The following PRKCH variants were observed in gnomAD, a reference collection of about 807,000 sequenced individuals.
PRKCH encodes protein kinase C eta.
PRKCH carries 28 observed loss-of-function variants against 82.5 expected under a neutral mutation model. That is an observed-to-expected ratio of 0.34 (90% CI 0.25 to 0.47). The LOEUF (loss-of-function observed/expected upper bound fraction) is 0.47, where lower values mean the gene tolerates loss of function less well. Among genes scored for constraint, PRKCH ranks in the 20% least tolerant of loss-of-function variants. PRKCH has a pLI of 1.00. For missense variants in PRKCH, 705 were observed against 881.8 expected (o/e 0.80, Z 2.54); for synonymous variants, 322 against 327.4 (o/e 0.98, Z 0.18).
intron 12 of PRKCH, 138 bp from the exon 13 acceptor site, chr14:61,547,605 G>A: frequency 9.3e-7 from 1 of 1,070,068 alleles, no homozygotes; most frequent in Non-Finnish European, 1.3e-6. Flanking sequence ...TGCTGCCTGT[G>A]ATGGAAAACC....
At chr14:61,520,497 A>G (rs938601420) in intron 10 of PRKCH, among the ~76,000 whole-genome samples, 1 of 152,240 alleles carries the variant, frequency 6.6e-6, no homozygotes, top group Non-Finnish European at 1.5e-5. Flanking sequence ...TTTACAACCC[A>G]TAGAACCAAT....
intron 9 of PRKCH, among the ~76,000 whole-genome samples, chr14:61,465,929 T>G (rs1352865235): frequency 6.6e-6 from 1 of 152,246 alleles, no homozygotes; most frequent in Admixed American, 6.5e-5. Context: ...ATCCTCATTA[T>G]GTCAAATGGA....
intron 10 of PRKCH, among the ~76,000 whole-genome samples, chr14:61,505,284 G>T (rs187825407): frequency 1.3e-5 from 2 of 151,936 alleles, no homozygotes; most frequent in African/African-American, 2.4e-5. Context: ...ATTTGGTGTC[G>T]GGTGAGGGCC....
chr14:61,281,140 C>G, intron 1 of PRKCH: 1 of 1,352,940 alleles, frequency 7.4e-7, no homozygotes, highest in Non-Finnish European at 9.5e-7. Flanking sequence ...CGTGGCGCTC[C>G]AGGTCATGGC....
chr14:61,236,581 G>A (rs1158766075), intron 1 of PRKCH, among the ~76,000 whole-genome samples: 1 of 151,960 alleles, frequency 6.6e-6, no homozygotes, highest in Non-Finnish European at 1.5e-5. Flanking sequence ...GGTGGCGGGA[G>A]CCTGTAATCC....
chr14:61,485,087 T>C (rs1536015), intron 9 of PRKCH, among the ~76,000 whole-genome samples: 129,531 of 151,886 alleles, frequency 0.85, 57,526 homozygotes, highest in Non-Finnish European at 0.96. Context: ...TCTCTGCCCA[T>C]TTGTGAGAAC....
chr14:61,382,452 C>CAA (rs112736087), intron 1 of PRKCH, among the ~76,000 whole-genome samples: 13 of 150,208 alleles, frequency 8.7e-5, no homozygotes, highest in African/African-American at 2.7e-4. Context: ...CAAAAACAAA[C>CAA]AAAAAAAAAC....
At chr14:61,372,847 A>G (rs2046380565) in intron 1 of PRKCH, among the ~76,000 whole-genome samples, 1 of 152,078 alleles carries the variant, frequency 6.6e-6, no homozygotes, top group African/African-American at 2.4e-5. Flanking sequence ...GGTTTTAACA[A>G]ATGCTTAGTG....
intron 1 of PRKCH, among the ~76,000 whole-genome samples, chr14:61,259,920 A>AATCC (rs1482288205): frequency 1.3e-5 from 2 of 152,186 alleles, no homozygotes; most frequent in African/African-American, 4.8e-5. Context: ...AATCCCCAGA[A>AATCC]ATCCAATAAA....
At chr14:61,433,994 A>G (rs922533761) in intron 2 of PRKCH, among the ~76,000 whole-genome samples, 2 of 152,220 alleles carry the variant, frequency 1.3e-5, no homozygotes, top group East Asian at 3.8e-4. Context: ...CAATAAATCA[A>G]AAAGAGAGAT....
intron 1 of PRKCH, among the ~76,000 whole-genome samples, chr14:61,378,085 C>T (rs898999065): frequency 2.6e-5 from 4 of 152,178 alleles, no homozygotes; most frequent in African/African-American, 4.8e-5. Flanking sequence ...ACAGGTTGCT[C>T]CTGACTCAGA....
chr14:61,487,045 G>T (rs1404763682), intron 10 of PRKCH, among the ~76,000 whole-genome samples: 5 of 152,198 alleles, frequency 3.3e-5, no homozygotes, highest in Admixed American at 6.5e-5. Flanking sequence ...AGTCAAAATA[G>T]GAAGAGAACA....
At chr14:61,492,513 C>T (rs530307593) in intron 10 of PRKCH, among the ~76,000 whole-genome samples, 15 of 152,328 alleles carry the variant, frequency 9.8e-5, no homozygotes, top group African/African-American at 3.4e-4. Flanking sequence ...TTTCCATCTC[C>T]AGGAAAACAA....
intron 1 of PRKCH, among the ~76,000 whole-genome samples, chr14:61,196,891 C>G (rs1267871316): frequency 3.9e-5 from 6 of 152,286 alleles, no homozygotes; most frequent in Non-Finnish European, 7.4e-5. Flanking sequence ...AGTGCTATCA[C>G]TTCAAAAGAT....
At chr14:61,470,992 G>C (rs1237885308) in intron 9 of PRKCH, among the ~76,000 whole-genome samples, 1 of 152,074 alleles carries the variant, frequency 6.6e-6, no homozygotes, top group African/African-American at 2.4e-5. Flanking sequence ...GGCATGCGAA[G>C]TGGAAACTAA....
At chr14:61,455,936 C>T (rs147508381) in intron 7 of PRKCH, among the ~76,000 whole-genome samples, 88 of 152,324 alleles carry the variant, frequency 5.8e-4, no homozygotes, top group African/African-American at 1.8e-3. Context: ...CTAGAACTCT[C>T]ATCATGCTGG....
intron 10 of PRKCH, among the ~76,000 whole-genome samples, chr14:61,518,761 C>T (rs2042862351): frequency 6.6e-6 from 1 of 152,154 alleles, no homozygotes; most frequent in African/African-American, 2.4e-5. Context: ...AGACCAACAC[C>T]TAGTCTATGG....
chr14:61,480,019 G>A (rs919661815), intron 9 of PRKCH, among the ~76,000 whole-genome samples: 5 of 152,218 alleles, frequency 3.3e-5, no homozygotes, highest in Non-Finnish European at 2.9e-5. Context: ...GGCTTTAGAA[G>A]TGATGTTAAA....
chr14:61,187,791 A>G (rs1045290358), intron 1 of PRKCH: 3 of 152,226 alleles, frequency 2.0e-5, no homozygotes, highest in African/African-American at 7.2e-5. Flanking sequence ...TAGCAGACAT[A>G]AATATTGTAA....
Sources: allele counts gnomAD v4.1 joint callset (sites outside exome capture counted in the v4.1 genomes callset), GRCh38; gene constraint gnomAD v4.1.1; transcripts MANE v1.5; gene names NCBI Gene and HGNC (gene_info 2026-07-23, HGNC 2026-07-21).